The following GALK2 variants were observed in gnomAD, a reference collection of about 807,000 sequenced individuals.
The protein encoded by GALK2 is galactokinase 2.
GALK2 carries 36 observed loss-of-function variants against 52.4 expected under a neutral mutation model. The ratio of observed to expected loss-of-function variants is 0.69; its 90% CI spans 0.53 to 0.91. The LOEUF is 0.91. GALK2 is among the 40% of genes least tolerant of loss of function. GALK2 has a pLI of 0.00. For synonymous variants in GALK2, 176 were observed against 199.1 expected, an observed-to-expected ratio of 0.88 and a Z score of 0.98; for missense variants, 579 against 559.1, an observed-to-expected ratio of 1.04 and a Z score of -0.36.
chr15:49,222,268 AATTT>A (rs1276011074), intron 3 of GALK2, among the ~76,000 whole-genome samples: 1 of 152,002 alleles, frequency 6.6e-6, no homozygotes, highest in African/African-American at 2.4e-5. Context: ...AACTTTACTG[AATTT>A]ATTTATTAGG....
At chr15:49,212,139 C>G (rs1027041844) in intron 2 of GALK2, among the ~76,000 whole-genome samples, 2 of 152,164 alleles carry the variant, frequency 1.3e-5, no homozygotes, top group Non-Finnish European at 2.9e-5. Context: ...GTTGCCCAGG[C>G]TGGAGTGCAG....
At chr15:49,234,071 T>C (rs1430005942) in intron 3 of GALK2, among the ~76,000 whole-genome samples, 1 of 152,200 alleles carries the variant, frequency 6.6e-6, no homozygotes, top group Non-Finnish European at 1.5e-5. Context: ...ATTACAATGA[T>C]TGGCATATAG....
At chr15:49,246,093 TG>T (rs1361976928) in intron 5 of GALK2, among the ~76,000 whole-genome samples, 1 of 152,204 alleles carries the variant, frequency 6.6e-6, no homozygotes, top group Non-Finnish European at 1.5e-5. Context: ...CTATGAAGTT[TG>T]GGTATCAAAA....
chr15:49,180,020 A>G lies in GALK2; in HGVS notation c.53+9645A>G, dbSNP rs550946665. ...TCCTTTTATAGCCTCCATGCATTTG[A>G]ATTTCTAAGGTAGGAATGTTGTATA... On this transcript the variant is annotated intron_variant, in intron 1 of 9. Transcript: ENST00000560031. Among the ~76,000 whole-genome samples the G allele has an allele frequency of 2.6e-5, 4 of 152,258 alleles. No individual in the cohort carries two copies. The South Asian group carries it at 6.2e-4, about 24-fold the overall frequency.
chr15:49,348,477 A>G (rs772434087), intron 3 of GALK2, among the ~76,000 whole-genome samples: 1 of 152,208 alleles, frequency 6.6e-6, no homozygotes, highest in Non-Finnish European at 1.5e-5. Flanking sequence ...AAAGGAGCCA[A>G]TTTCGTTTTT....
At chr15:49,347,790 G>A (rs2041716169) in intron 3 of GALK2, among the ~76,000 whole-genome samples, 2 of 152,222 alleles carry the variant, frequency 1.3e-5, no homozygotes, top group South Asian at 4.1e-4. Context: ...AGGCTAAGGT[G>A]GGTGGATCAC....
intron 3 of GALK2, among the ~76,000 whole-genome samples, chr15:49,352,171 G>T (rs2042350506): frequency 6.6e-6 from 1 of 152,180 alleles, no homozygotes; most frequent in Non-Finnish European, 1.5e-5. Context: ...TCATATAGCA[G>T]CTAGTTCCAA....
chr15:49,208,809 T>TAA (rs1389546020), intron 2 of GALK2, among the ~76,000 whole-genome samples: 1 of 152,220 alleles, frequency 6.6e-6, no homozygotes, highest in Non-Finnish European at 1.5e-5. Flanking sequence ...GGTCTATTAG[T>TAA]AATTGTTTTA....
At chr15:49,244,589 T>C (rs2091257904) in intron 5 of GALK2, among the ~76,000 whole-genome samples, 3 of 152,162 alleles carry the variant, frequency 2.0e-5, no homozygotes, top group Admixed American at 1.3e-4. Flanking sequence ...TAGTAAAACA[T>C]TTTCAACATG....
At chr15:49,320,984 C>G (rs1216139126) in intron 9 of GALK2, among the ~76,000 whole-genome samples, 2 of 152,166 alleles carry the variant, frequency 1.3e-5, no homozygotes, top group African/African-American at 4.8e-5. Context: ...TCCTGGAATT[C>G]TCTAATAAAC....
intron 3 of GALK2, among the ~76,000 whole-genome samples, chr15:49,356,742 C>T (rs1341814711): frequency 9.0e-5 from 4 of 44,686 alleles, no homozygotes; most frequent in African/African-American, 4.0e-4. Flanking sequence ...ACCTAATAGA[C>T]ATCTACAGAA....
At chr15:49,188,480 A>G (rs983444691) in intron 1 of GALK2, among the ~76,000 whole-genome samples, 2 of 152,228 alleles carry the variant, frequency 1.3e-5, no homozygotes, top group African/African-American at 2.4e-5. Context: ...TCCATGCTAC[A>G]TGGCCACCAC....
intron 8 of GALK2, among the ~76,000 whole-genome samples, chr15:49,301,007 C>T (rs1486371583): frequency 2.6e-5 from 4 of 152,068 alleles, no homozygotes; most frequent in East Asian, 1.9e-4. Flanking sequence ...AAGGCAGGTC[C>T]GATGGTAATG....
intron 5 of GALK2, among the ~76,000 whole-genome samples, chr15:49,251,006 A>G (rs1445256675): frequency 1.3e-5 from 2 of 152,208 alleles, no homozygotes; most frequent in Non-Finnish European, 2.9e-5. Flanking sequence ...AGTAGCATAT[A>G]CAAATTCTTC....
intron 4 of GALK2, 120 bp downstream of exon 4, chr15:49,236,061 AT>A: frequency 2.9e-6 from 2 of 681,648 alleles, no homozygotes; most frequent in Non-Finnish European, 5.0e-6. Flanking sequence ...CTTCTGTTCT[AT>A]TTTGCTAGTT....
At chr15:49,184,081 A>G (rs1398389063) in intron 1 of GALK2, among the ~76,000 whole-genome samples, 3 of 152,092 alleles carry the variant, frequency 2.0e-5, no homozygotes, top group African/African-American at 2.4e-5. Flanking sequence ...GTCTCCAGCT[A>G]TTATTGTTTT....
chr15:49,305,124 A>G (rs1245319162), intron 8 of GALK2, among the ~76,000 whole-genome samples: 1 of 152,214 alleles, frequency 6.6e-6, no homozygotes, highest in Non-Finnish European at 1.5e-5. Context: ...TAAATTAGAA[A>G]TTGTATGCTA....
At chr15:49,218,684 G>C (rs1162988345) in intron 3 of GALK2, among the ~76,000 whole-genome samples, 1 of 152,142 alleles carries the variant, frequency 6.6e-6, no homozygotes, top group Non-Finnish European at 1.5e-5. Flanking sequence ...TAATTTGTTT[G>C]TTTACCAATA....
intron 3 of GALK2, among the ~76,000 whole-genome samples, chr15:49,357,433 A>G (rs1000063705): frequency 6.6e-6 from 1 of 151,596 alleles, no homozygotes; most frequent in African/African-American, 2.4e-5. Flanking sequence ...AATACAAACT[A>G]CCATCAGAGA....
Sources: allele counts gnomAD v4.1 joint callset (sites outside exome capture counted in the v4.1 genomes callset), GRCh38; gene constraint gnomAD v4.1.1; transcripts MANE v1.5; gene names NCBI Gene and HGNC (gene_info 2026-07-23, HGNC 2026-07-21).